Variants in SCN7A observed in about 807,000 individuals in gnomAD.
The protein encoded by SCN7A is sodium channel protein type 7 subunit alpha.
SCN7A carries 138 observed loss-of-function variants against 155.2 expected under a neutral mutation model. The observed-to-expected ratio is 0.89, with a 90% confidence interval of 0.77 to 1.02. The LOEUF is 1.02. SCN7A is among the 50% of genes least tolerant of loss of function. The pLI, the probability that SCN7A is intolerant of heterozygous loss-of-function variation, is 0.00. For synonymous variants in SCN7A, 693 were observed against 649.0 expected, an observed-to-expected ratio of 1.07 and a Z score of -1.03; for missense variants, 2,058 against 1,986.6, an observed-to-expected ratio of 1.04 and a Z score of -0.68.
At position 166,421,223 on chromosome 2, in the gene SCN7A, G is replaced by T; in HGVS notation, c.3102C>A (p.Pro1034=). Residue 1034 remains proline, a synonymous_variant, in exon 20 of 26, where the codon CCC becomes CCA. Transcript: ENST00000643258. ...TTTCAAATTGAGATAGAACTCTGAG[G>T]GGCCGAAGGAATTTCATGGAAATAA... ...KPLISMKFLR[P]LRVLSQFERM... is the part of the protein sequence containing the mutation. The T allele has an allele frequency of 6.5e-7, 1 of 1,534,976 alleles. No homozygotes were observed. Among genetic ancestry groups the T allele is most frequent in the Admixed American group, 2.0e-5 (1 of 48,870 alleles).
At position 166,405,683 on chromosome 2, in the gene SCN7A, G is replaced by A. The variant is rs983757030; in HGVS notation, c.4946C>T (p.Ser1649Leu). Residue 1649 changes from serine to leucine, a missense_variant, in exon 26 of 26, where the codon TCA becomes TTA. Transcript: ENST00000643258. The part of the protein sequence containing the change: ...YRLRRNDKNT[S>L]DIHMIDGDRD... The stretch of plus-strand genomic sequence containing the variant: ...GTCACCATCTATCATATGAATATCT[G>A]ATGTATTTTTGTCATTTCGCCTCAA... 4.3e-6 allele frequency: 7 copies of A among 1,612,946 alleles called. No individual in the cohort carries two copies. Among genetic ancestry groups the A allele is most frequent in the Non-Finnish European group, 4.2e-6 (5 of 1,179,278 alleles).
intron 10 of SCN7A, among the ~76,000 whole-genome samples, chr2:166,459,097 C>T (rs1702346906): frequency 6.6e-6 from 1 of 152,048 alleles, no homozygotes; most frequent in African/African-American, 2.4e-5. Flanking sequence ...TGAAGGATAA[C>T]TATACTTTAT....
rs1189868023 is a variant in SCN7A, at chr2:166,462,539, G to C, written c.942-9C>G. 6.2e-7 allele frequency: 1 copy of C among 1,609,072 alleles called. No individual in the cohort carries two copies. Among genetic ancestry groups the C allele is most frequent in the Admixed American group, 1.7e-5 (1 of 58,772 alleles). ...ATCCTTCAGGACACTGACTAAAGAA[G>C]ACAAAGAAAAAAACCTGCTTACTAT... On this transcript the variant is annotated splice_polypyrimidine_tract_variant and intron_variant, in intron 9 of 25. Transcript: ENST00000643258.
chr2:166,415,146 G>A (rs1701346441), intron 21 of SCN7A, among the ~76,000 whole-genome samples: 1 of 148,854 alleles, frequency 6.7e-6, no homozygotes, highest in South Asian at 2.1e-4. Flanking sequence ...GCCAGTATCT[G>A]TATTTCCTCT....
chr2:166,408,097 C>T (rs1041093605), intron 25 of SCN7A, among the ~76,000 whole-genome samples: 20 of 151,990 alleles, frequency 1.3e-4, no homozygotes, highest in African/African-American at 4.6e-4. Flanking sequence ...CTCCACTTTC[C>T]TCAGGTTAGA....
At chr2:166,475,417 C>T (rs970348197) in intron 3 of SCN7A, among the ~76,000 whole-genome samples, 5 of 150,776 alleles carry the variant, frequency 3.3e-5, no homozygotes, top group Non-Finnish European at 7.4e-5. Flanking sequence ...AAATAGACTA[C>T]TTAGTACAAA....
chr2:166,491,136 C>T (rs1205506957), intron 1 of SCN7A, among the ~76,000 whole-genome samples: 2 of 152,180 alleles, frequency 1.3e-5, no homozygotes, highest in East Asian at 3.9e-4. Context: ...CTACTCAGCA[C>T]AATATATTCA....
Position 166,477,653 on chromosome 2 carries a change from T to C in SCN7A, c.44A>G (p.Lys15Arg). 1 of 1,606,338 alleles carries C rather than the reference T, an allele frequency of 6.2e-7. No individual in the cohort carries two copies. The highest frequency in any genetic ancestry group is 8.5e-7 in the Non-Finnish European group (1 of 1,176,176). Reference protein sequence around the residue: ...PEPKGLVPFTKESFELIKQHI... With the variant: ...PEPKGLVPFTRESFELIKQHI... ...CTGTTTTATAAGTTCAAAAGACTCT[T>C]TAGTGAAGGGAACAAGGCCCTTAGG... Residue 15 changes from lysine to arginine, a missense_variant, in exon 3 of 26, where the codon AAA becomes AGA. Lys to Arg is a conservative substitution (Grantham distance 26, BLOSUM62 2). Coordinates refer to ENST00000643258, the MANE Select transcript of SCN7A (RefSeq NM_002976.4).
intron 12 of SCN7A, among the ~76,000 whole-genome samples, chr2:166,447,272 A>C (rs1170479801): frequency 6.6e-6 from 1 of 152,216 alleles, no homozygotes; most frequent in Non-Finnish European, 1.5e-5. Context: ...ATGATAAATA[A>C]TTATTGGTTA....
In SCN7A at chr2:166,454,811, C is replaced by A. The variant is rs1702242263; in HGVS notation, c.1290+2059G>T. ...TTCTGTTTGCTTTCTACCATCTGGT[C>A]CTTTCTTTAAGCACACTTATGGCAG... On this transcript the variant is annotated intron_variant, in intron 11 of 25. Coordinates refer to ENST00000643258, the MANE Select transcript of SCN7A (RefSeq NM_002976.4). 2.0e-5 allele frequency among the ~76,000 whole-genome samples: 3 copies of A among 152,114 alleles called. No individual in the cohort carries two copies. The South Asian group carries it at 6.2e-4, about 32-fold the overall frequency.
intron 15 of SCN7A, among the ~76,000 whole-genome samples, chr2:166,434,312 T>G (rs966476750): frequency 6.6e-5 from 10 of 152,138 alleles, no homozygotes; most frequent in Non-Finnish European, 1.3e-4. Context: ...GTGAATAAAG[T>G]CATCAAATAG....
intron 11 of SCN7A, among the ~76,000 whole-genome samples, chr2:166,449,513 C>A (rs776862276): frequency 5.9e-5 from 9 of 152,072 alleles, no homozygotes; most frequent in Non-Finnish European, 1.0e-4. Flanking sequence ...CCTGTAATTT[C>A]ACAAATACTA....
At chr2:166,482,194 T>G (rs958641360) in intron 2 of SCN7A, among the ~76,000 whole-genome samples, 1 of 152,120 alleles carries the variant, frequency 6.6e-6, no homozygotes, top group Admixed American at 6.5e-5. Context: ...AAAATCAGTA[T>G]ATTTTTGATA....
chr2:166,427,908 A>G lies in SCN7A; in HGVS notation c.2733T>C (p.Ser911=). 1 of 1,612,834 alleles carries G rather than the reference A, an allele frequency of 6.2e-7. No individual in the cohort carries two copies. Among genetic ancestry groups the G allele is most frequent in the South Asian group, 1.1e-5 (1 of 91,030 alleles). Residue 911 remains serine, a synonymous_variant, in exon 18 of 26, where the codon AGT becomes AGC. Coordinates refer to ENST00000643258, the MANE Select transcript of SCN7A (RefSeq NM_002976.4). ...AGATTTTTCCTTTCTTGGATGCTCCACTGATTTGACCAAGTGAAGATCCGC... is the reference window on the plus strand; with the variant it reads ...AGATTTTTCCTTTCTTGGATGCTCCGCTGATTTGACCAAGTGAAGATCCGC... The part of the protein sequence containing the change: ...CRRGSSLGQI[S]GASKKGKIWQ...
chr2:166,414,285 TAC>T (rs1187091831), intron 21 of SCN7A, among the ~76,000 whole-genome samples: 525 of 26,112 alleles, frequency 0.02, 25 homozygotes, highest in African/African-American at 0.074. Context: ...TATATATATA[TAC>T]ACACACATAT....
chr2:166,414,190 ATATAATATAT>A (rs1701289549), intron 21 of SCN7A, among the ~76,000 whole-genome samples: 2 of 90,550 alleles, frequency 2.2e-5, no homozygotes, highest in Non-Finnish European at 2.0e-5. Context: ...TATATATAAT[ATATAATATAT>A]TATATATATG....
At chr2:166,439,492 G>T (rs913227108) in intron 15 of SCN7A, among the ~76,000 whole-genome samples, 1 of 152,076 alleles carries the variant, frequency 6.6e-6, no homozygotes, top group African/African-American at 2.4e-5. Flanking sequence ...AAAGAGCACA[G>T]AGAAAAACAG....
At chr2:166,454,338 T>C (rs2105459429) in intron 11 of SCN7A, among the ~76,000 whole-genome samples, 1 of 152,344 alleles carries the variant, frequency 6.6e-6, no homozygotes, top group African/African-American at 2.4e-5. Context: ...TAGGCTTTTT[T>C]ATACATGTTT....
Position 166,472,387 on chromosome 2 carries a change from C to T in SCN7A, c.502G>A (p.Val168Ile), listed in dbSNP as rs1702680378. ...EILVKLFARG[V>I]WAGSFSFLGD... ...AGGAAGGAAAATGATCCTGCCCAGA[C>T]ACCTCTTGCAAAGAGTTTTACAAGT... The change falls in exon 6 of 26, where the codon GTC (valine) becomes ATC (isoleucine). Residue 168 changes from valine to isoleucine, a missense_variant. By Grantham distance (29) the Val-to-Ile change is conservative. Transcript: ENST00000643258. 1 of 1,608,290 alleles carries T rather than the reference C, an allele frequency of 6.2e-7. No individual in the cohort carries two copies. Among genetic ancestry groups the T allele is most frequent in the East Asian group, 2.2e-5 (1 of 44,768 alleles).
Sources: gnomAD v4.1 joint callset for allele counts (sites outside exome capture counted in the v4.1 genomes callset) on GRCh38, gnomAD v4.1.1 for gene constraint, MANE v1.5 for transcripts, NCBI Gene and HGNC (gene_info 2026-07-23, HGNC 2026-07-21) for gene names.